TEK: variants seen among roughly 807,000 people sequenced by gnomAD.
TEK encodes angiopoietin-1 receptor.
Under a neutral mutation model 131.8 loss-of-function variants are expected in TEK, and 43 were observed. The ratio of observed to expected loss-of-function variants is 0.33; its 90% confidence interval spans 0.26 to 0.42. TEK has a LOEUF of 0.42. TEK is among the 10% of genes least tolerant of loss of function. TEK has a pLI of 1.00. For synonymous variants in TEK, 580 were observed against 491.6 expected (o/e 1.18, Z -2.38); for missense variants, 1,162 against 1,384.4 (o/e 0.84, Z 2.55).
At chr9:27,125,219 T>G (rs889926409) in intron 1 of TEK, among the ~76,000 whole-genome samples, 2 of 152,212 alleles carry the variant, frequency 1.3e-5, no homozygotes, top group Non-Finnish European at 2.9e-5. Flanking sequence ...TTCAGAAGCC[T>G]GTAGTAATCG....
At chr9:27,110,444 T>G (rs1162871435) in intron 1 of TEK, among the ~76,000 whole-genome samples, 1 of 152,170 alleles carries the variant, frequency 6.6e-6, no homozygotes, top group Admixed American at 6.5e-5. Context: ...TCAGCCTATG[T>G]GACATAGGTA....
intron 19 of TEK, among the ~76,000 whole-genome samples, chr9:27,218,047 G>T (rs544368286): frequency 6.7e-6 from 1 of 150,276 alleles, no homozygotes. Flanking sequence ...GGGACATACC[G>T]GCCTTCCTGT....
chr9:27,168,012 A>G (rs1823800759), intron 2 of TEK, among the ~76,000 whole-genome samples: 1 of 152,232 alleles, frequency 6.6e-6, no homozygotes, highest in Non-Finnish European at 1.5e-5. Flanking sequence ...GAGATGCTCC[A>G]AGATCCAAAA....
chr9:27,215,051 T>A (rs1199497599), intron 18 of TEK, among the ~76,000 whole-genome samples: 1 of 152,164 alleles, frequency 6.6e-6, no homozygotes, highest in Non-Finnish European at 1.5e-5. Context: ...ACTCCAGCAC[T>A]TGGGGGATGT....
chr9:27,226,511 C>T (rs1230947407), intron 21 of TEK, among the ~76,000 whole-genome samples: 2 of 151,832 alleles, frequency 1.3e-5, no homozygotes. Flanking sequence ...TGTTCTCACT[C>T]ATAAGTTGGA....
At chr9:27,217,874 T>TA in intron 19 of TEK, 116 bp downstream of exon 19, 1 of 902,794 alleles carries the variant, frequency 1.1e-6, no homozygotes, top group East Asian at 2.6e-5. Flanking sequence ...CAAAGGTAAC[T>TA]AAAAAGCTCA....
chr9:27,169,768 A>G (rs1823880132), intron 4 of TEK, 139 bp downstream of exon 4: 6 of 1,217,402 alleles, frequency 4.9e-6, no homozygotes, highest in Non-Finnish European at 7.1e-6. Flanking sequence ...GTCTGTTCTT[A>G]TGCTGCAAAG....
chr9:27,122,360 TG>T (rs1340119826), intron 1 of TEK, among the ~76,000 whole-genome samples: 1 of 152,094 alleles, frequency 6.6e-6, no homozygotes, highest in Non-Finnish European at 1.5e-5. Flanking sequence ...AACAGGATTA[TG>T]GAAGATCAGG....
intron 1 of TEK, among the ~76,000 whole-genome samples, chr9:27,123,937 C>T (rs1230872926): frequency 2.0e-5 from 3 of 152,170 alleles, no homozygotes; most frequent in South Asian, 2.1e-4. Context: ...CCACCACACC[C>T]GGCTAATTTT....
intron 8 of TEK, among the ~76,000 whole-genome samples, chr9:27,184,842 G>A (rs553450): frequency 0.091 from 13,875 of 151,858 alleles, 726 homozygotes; most frequent in Non-Finnish European, 0.11. Context: ...ATTTGAGACC[G>A]GCCTGGGCAA....
intron 7 of TEK, among the ~76,000 whole-genome samples, chr9:27,181,885 A>C (rs1564081029): frequency 6.6e-6 from 1 of 152,230 alleles, no homozygotes; most frequent in Non-Finnish European, 1.5e-5. Context: ...TGAAATCTAC[A>C]CTCACAATAA....
At chr9:27,202,382 C>G (rs914756785) in intron 12 of TEK, among the ~76,000 whole-genome samples, 1 of 152,160 alleles carries the variant, frequency 6.6e-6, no homozygotes, top group Non-Finnish European at 1.5e-5. Flanking sequence ...AGTAGTGTCA[C>G]CATGGCTAAG....
Position 27,137,119 on chromosome 9 carries a change from T to C in TEK, c.53-20712T>C, listed in dbSNP as rs1285855589. Reference sequence around the variant, plus strand: ...TTTCAGTAGAGACGGGGTTTCACCATGTTCCCCAAGATGGTGTCGATCTCT... The same window carrying C: ...TTTCAGTAGAGACGGGGTTTCACCACGTTCCCCAAGATGGTGTCGATCTCT... On this transcript the variant is annotated intron_variant, in intron 1 of 22. Transcript: ENST00000380036. Among the ~76,000 whole-genome samples, 7 of 152,252 alleles carry C rather than the reference T, an allele frequency of 4.6e-5. No homozygotes were observed. In the South Asian group the frequency reaches 1.0e-3, roughly 23 times the overall value.
chr9:27,216,097 G>A (rs1825812219), intron 18 of TEK, among the ~76,000 whole-genome samples: 1 of 152,172 alleles, frequency 6.6e-6, no homozygotes, highest in South Asian at 2.1e-4. Context: ...GGTTGGAAGA[G>A]GAAGCAAGGA....
intron 20 of TEK, among the ~76,000 whole-genome samples, chr9:27,219,114 A>AAAG (rs1825943099): frequency 6.6e-6 from 1 of 152,160 alleles, no homozygotes; most frequent in Non-Finnish European, 1.5e-5. Context: ...GCAGCTATTA[A>AAAG]AAGTCACATT....
In TEK at chr9:27,138,131, T is replaced by C. The variant is rs915688831; in HGVS notation, c.53-19700T>C. Among the ~76,000 whole-genome samples, 4 of 152,124 alleles carry C rather than the reference T, an allele frequency of 2.6e-5. No individual in the cohort carries two copies. In the East Asian group the frequency reaches 7.7e-4, roughly 29 times the overall value. On this transcript the variant is annotated intron_variant, in intron 1 of 22. Transcript: ENST00000380036. ...TGAAGCCGCAGACCCTCTCAGTGAGTGTTTCAGCTCATAAAGGTAGTGCAG... is the reference window on the plus strand; with the variant it reads ...TGAAGCCGCAGACCCTCTCAGTGAGCGTTTCAGCTCATAAAGGTAGTGCAG...
At chr9:27,170,029 C>T (rs1823890064) in intron 4 of TEK, among the ~76,000 whole-genome samples, 1 of 152,072 alleles carries the variant, frequency 6.6e-6, no homozygotes, top group Admixed American at 6.5e-5. Flanking sequence ...GGGGAGACAT[C>T]AGGAAATTTA....
At chr9:27,159,018 G>A (rs777426270) in intron 2 of TEK, among the ~76,000 whole-genome samples, 3 of 152,168 alleles carry the variant, frequency 2.0e-5, no homozygotes, top group Non-Finnish European at 4.4e-5. Context: ...AACCACAGTG[G>A]CATACAATAA....
At chr9:27,136,644 C>G (rs1822454902) in intron 1 of TEK, among the ~76,000 whole-genome samples, 2 of 152,082 alleles carry the variant, frequency 1.3e-5, no homozygotes, top group Admixed American at 6.5e-5. Context: ...GTACAACACA[C>G]TGAACTGACG....
Sources: allele counts gnomAD v4.1 joint callset (sites outside exome capture counted in the v4.1 genomes callset), GRCh38; gene constraint gnomAD v4.1.1; transcripts MANE v1.5; gene names NCBI Gene and HGNC (gene_info 2026-07-23, HGNC 2026-07-21).